The following CFAP299 variants were observed in gnomAD, a reference collection of about 807,000 sequenced individuals.
CFAP299 encodes the protein cilia and flagella associated protein 299, also known as cilia- and flagella-associated protein 299.
Under a neutral mutation model 27.0 loss-of-function variants are expected in CFAP299, and 21 were observed. The observed-to-expected ratio is 0.78, with a 90% confidence interval of 0.55 to 1.12. The LOEUF (loss-of-function observed/expected upper bound fraction) is 1.12, where lower values mean the gene tolerates loss of function less well. Ranked by LOEUF, CFAP299 falls within the 50% of genes most tolerant of loss-of-function variation. The probability of loss-of-function intolerance (pLI) is 0.00; values close to 1 mark genes in which losing one functional copy is unlikely to be tolerated. For missense variants in CFAP299, 310 were observed against 276.6 expected, an observed-to-expected ratio of 1.12 and a Z score of -0.86; for synonymous variants, 104 against 98.1, an observed-to-expected ratio of 1.06 and a Z score of -0.36.
At chr4:80,925,648 A>G (rs1694484298) in intron 4 of CFAP299, among the ~76,000 whole-genome samples, 1 of 152,044 alleles carries the variant, frequency 6.6e-6, no homozygotes, top group African/African-American at 2.4e-5. Flanking sequence ...AGTGTCTAAA[A>G]ATGTCCTGAC....
At chr4:80,668,686 G>A (rs993640050) in intron 3 of CFAP299, among the ~76,000 whole-genome samples, 1 of 152,012 alleles carries the variant, frequency 6.6e-6, no homozygotes, top group Non-Finnish European at 1.5e-5. Flanking sequence ...CCAGTATTAA[G>A]CTTATTTGGT....
intron 3 of CFAP299, among the ~76,000 whole-genome samples, chr4:80,810,375 T>C (rs376750948): frequency 5.0e-5 from 7 of 140,264 alleles, no homozygotes; most frequent in East Asian, 2.2e-4. Context: ...CACACACACA[T>C]ACACACCCCT....
intron 3 of CFAP299, among the ~76,000 whole-genome samples, chr4:80,752,402 T>TTATA (rs530135399): frequency 2.1e-5 from 3 of 145,044 alleles, no homozygotes; most frequent in Non-Finnish European, 3.0e-5. Context: ...ATATATATAT[T>TTATA]TATATATATA....
intron 2 of CFAP299, among the ~76,000 whole-genome samples, chr4:80,556,267 G>T (rs1734775710): frequency 6.6e-6 from 1 of 151,980 alleles, no homozygotes; most frequent in African/African-American, 2.4e-5. Flanking sequence ...AAAGAAGCAA[G>T]ATTGAACTGT....
intron 4 of CFAP299, among the ~76,000 whole-genome samples, chr4:80,921,484 A>G (rs1322964727): frequency 1.3e-5 from 2 of 151,974 alleles, no homozygotes; most frequent in South Asian, 2.1e-4. Context: ...CAGAGAGGAG[A>G]GCATGAACAA....
At chr4:80,680,604 T>C (rs1233200960) in intron 3 of CFAP299, among the ~76,000 whole-genome samples, 1 of 152,160 alleles carries the variant, frequency 6.6e-6, no homozygotes, top group Non-Finnish European at 1.5e-5. Context: ...GATGGTTTCA[T>C]AGAGGATGAG....
intron 2 of CFAP299, among the ~76,000 whole-genome samples, chr4:80,414,905 G>A (rs1726924781): frequency 1.3e-5 from 2 of 152,284 alleles, no homozygotes; most frequent in African/African-American, 4.8e-5. Context: ...ACACGTTTGT[G>A]TTAAATACCA....
At chr4:80,339,841 T>A (rs984132651) in intron 1 of CFAP299, among the ~76,000 whole-genome samples, 7 of 152,170 alleles carry the variant, frequency 4.6e-5, no homozygotes, top group African/African-American at 1.4e-4. Context: ...TAAAGGTGCC[T>A]ATGACCACTG....
chr4:80,764,857 A>G (rs1046322366), intron 3 of CFAP299, among the ~76,000 whole-genome samples: 1 of 152,148 alleles, frequency 6.6e-6, no homozygotes, highest in Non-Finnish European at 1.5e-5. Flanking sequence ...CAAACACTGC[A>G]TGTTCTCACT....
chr4:80,532,114 T>C (rs932706993), intron 2 of CFAP299, among the ~76,000 whole-genome samples: 2 of 152,144 alleles, frequency 1.3e-5, no homozygotes, highest in Admixed American at 6.5e-5. Flanking sequence ...ACGGATGACA[T>C]GATGCTCCTC....
intron 5 of CFAP299, among the ~76,000 whole-genome samples, chr4:80,948,586 T>C (rs914350837): frequency 6.6e-6 from 1 of 152,046 alleles, no homozygotes; most frequent in Non-Finnish European, 1.5e-5. Context: ...ATAGTTTGCT[T>C]TGAGTCTTAC....
chr4:80,845,001 T>C lies in CFAP299; in HGVS notation c.334-24992T>C, dbSNP rs556541687. Among the ~76,000 whole-genome samples, 184 of 152,354 alleles carry C rather than the reference T, an allele frequency of 1.2e-3. 1 individual carries two copies. Among genetic ancestry groups the C allele is most frequent in the African/African-American group, 4.1e-3 (169 of 41,584 alleles). Reference sequence around the variant, plus strand: ...TAGCCAGTTTTCCCAGCACCATTTATTAAATAGGGAATCCTTTCCCCATTG... The same window carrying C: ...TAGCCAGTTTTCCCAGCACCATTTACTAAATAGGGAATCCTTTCCCCATTG... On this transcript the variant is annotated intron_variant, in intron 3 of 5. Transcript: ENST00000358105.
intron 3 of CFAP299, among the ~76,000 whole-genome samples, chr4:80,762,657 C>A (rs1387270585): frequency 3.3e-5 from 5 of 152,024 alleles, no homozygotes; most frequent in African/African-American, 1.2e-4. Context: ...TGCTATATCC[C>A]CTTCCAGGAA....
intron 3 of CFAP299, among the ~76,000 whole-genome samples, chr4:80,748,107 G>A (rs1035043257): frequency 6.6e-6 from 1 of 152,018 alleles, no homozygotes; most frequent in African/African-American, 2.4e-5. Context: ...CCTCTAGTTT[G>A]AGTTAGGGTA....
At chr4:80,893,664 C>CA (rs202113225) in intron 4 of CFAP299, among the ~76,000 whole-genome samples, 16,245 of 132,338 alleles carry the variant, frequency 0.12, 1,385 homozygotes, top group African/African-American at 0.24. Context: ...TGAATACATG[C>CA]AAAAAAAAAA....
chr4:80,669,019 A>G (rs1011285277), intron 3 of CFAP299, among the ~76,000 whole-genome samples: 2 of 150,902 alleles, frequency 1.3e-5, no homozygotes, highest in African/African-American at 4.9e-5. Flanking sequence ...TTCTTCTTGT[A>G]TGGCTCTTCC....
At chr4:80,529,300 T>G (rs1005864362) in intron 2 of CFAP299, among the ~76,000 whole-genome samples, 1 of 152,188 alleles carries the variant, frequency 6.6e-6, no homozygotes, top group Admixed American at 6.6e-5. Context: ...ACTTATCTTT[T>G]TGTTGTCAGT....
At chr4:80,807,350 A>C (rs1728915465) in intron 3 of CFAP299, among the ~76,000 whole-genome samples, 1 of 152,120 alleles carries the variant, frequency 6.6e-6, no homozygotes, top group Non-Finnish European at 1.5e-5. Flanking sequence ...ACAACGTCGG[A>C]ATACATTGTG....
chr4:80,433,018 A>T (rs1336684088), intron 2 of CFAP299, among the ~76,000 whole-genome samples: 2 of 152,180 alleles, frequency 1.3e-5, no homozygotes, highest in Non-Finnish European at 2.9e-5. Context: ...TCATTCTCAG[A>T]GAACAAAGAT....
Sources: gnomAD v4.1 joint callset for allele counts (sites outside exome capture counted in the v4.1 genomes callset) on GRCh38, gnomAD v4.1.1 for gene constraint, MANE v1.5 for transcripts, NCBI Gene and HGNC (gene_info 2026-07-23, HGNC 2026-07-21) for gene names.